ASPRV1: variants seen among roughly 807,000 people sequenced by gnomAD.
ASPRV1 encodes retroviral-like aspartic protease 1.
A neutral mutation model predicts 11.0 loss-of-function variants in ASPRV1; 7 were observed. The ratio of observed to expected loss-of-function variants is 0.64; its 90% CI spans 0.36 to 1.20. ASPRV1 has a LOEUF of 1.20. Ranked by LOEUF, ASPRV1 falls within the 50% of genes most tolerant of loss-of-function variation. The pLI is 0.02. For synonymous variants in ASPRV1, 136 were observed against 138.4 expected, an observed-to-expected ratio of 0.98 and a Z score of 0.12; for missense variants, 299 against 320.0, an observed-to-expected ratio of 0.93 and a Z score of 0.50.
At chr2:70,022,181 AT>A in the ASPRV1 span, among the ~76,000 whole-genome samples, 11 of 148,380 alleles carry the variant, frequency 7.4e-5, no homozygotes, top group South Asian at 2.1e-3. Flanking sequence ...TGCCCGGCTA[AT>A]TTTTTTGTAT....
downstream of ASPRV1, among the ~76,000 whole-genome samples, chr2:69,955,256 C>T (rs1278636007): frequency 1.3e-5 from 2 of 152,200 alleles, no homozygotes; most frequent in Non-Finnish European, 2.9e-5. Flanking sequence ...GCCCTTCCCT[C>T]GCATGGCCAC....
At chr2:70,065,693 C>T in the ASPRV1 span, among the ~76,000 whole-genome samples, 6 of 150,984 alleles carry the variant, frequency 4.0e-5, no homozygotes, top group African/African-American at 7.3e-5. Context: ...GGTGTGGTGG[C>T]GCATGCCTTT....
chr2:70,021,596 G>A, the ASPRV1 span, among the ~76,000 whole-genome samples: 3 of 151,996 alleles, frequency 2.0e-5, no homozygotes, highest in Admixed American at 6.6e-5. Context: ...GGGATTACAG[G>A]TGTGAGCCAC....
chr2:70,001,531 G>C, the ASPRV1 span, among the ~76,000 whole-genome samples: 1 of 152,006 alleles, frequency 6.6e-6, no homozygotes, highest in Non-Finnish European at 1.5e-5. Context: ...GCCGAGGCAG[G>C]TGGGTCATCT....
At chr2:69,990,052 C>T in the ASPRV1 span, among the ~76,000 whole-genome samples, 1 of 152,228 alleles carries the variant, frequency 6.6e-6, no homozygotes, top group Non-Finnish European at 1.5e-5. Context: ...CCATGATCCT[C>T]ATTTTTAATG....
the ASPRV1 span, among the ~76,000 whole-genome samples, chr2:70,068,488 G>T: frequency 7.9e-5 from 12 of 152,284 alleles, no homozygotes; most frequent in African/African-American, 2.4e-4. Context: ...GTTTCTAGGG[G>T]TATCTAGAGG....
At chr2:69,989,593 G>A in the ASPRV1 span, among the ~76,000 whole-genome samples, 11 of 152,352 alleles carry the variant, frequency 7.2e-5, no homozygotes, top group East Asian at 9.7e-4. Flanking sequence ...CATTTGGGGC[G>A]TGGAGGGGGC....
the ASPRV1 span, chr2:70,055,668 T>C: frequency 6.6e-6 from 1 of 152,028 alleles, no homozygotes; most frequent in Non-Finnish European, 1.5e-5. Flanking sequence ...GATAGGTCAA[T>C]AGGTGCAGCA....
the ASPRV1 span, among the ~76,000 whole-genome samples, chr2:69,994,629 C>T: frequency 1.3e-5 from 2 of 152,160 alleles, no homozygotes; most frequent in Non-Finnish European, 2.9e-5. Context: ...ATGTTGCTCA[C>T]CTGGTGGGTT....
upstream of ASPRV1, chr2:69,963,286 T>C (rs1242460754): frequency 2.2e-6 from 1 of 456,044 alleles, no homozygotes; most frequent in Non-Finnish European, 4.4e-6. Flanking sequence ...CGAGAAGGTG[T>C]TGAGAGCAGG....
At chr2:70,041,718 T>C in the ASPRV1 span, among the ~76,000 whole-genome samples, 1 of 152,120 alleles carries the variant, frequency 6.6e-6, no homozygotes, top group Non-Finnish European at 1.5e-5. Context: ...AGGTCCAATC[T>C]AGGGAAGAGA....
At chr2:70,082,113 T>C in the ASPRV1 span, among the ~76,000 whole-genome samples, 1 of 152,018 alleles carries the variant, frequency 6.6e-6, no homozygotes, top group Non-Finnish European at 1.5e-5. Flanking sequence ...TAGCTGGGAT[T>C]ACAGGCACGC....
chr2:70,062,013 C>T, the ASPRV1 span, among the ~76,000 whole-genome samples: 1 of 145,924 alleles, frequency 6.9e-6, no homozygotes, highest in African/African-American at 2.5e-5. Flanking sequence ...TTTGGCTGAG[C>T]ACGGTGGCTC....
the ASPRV1 span, chr2:70,045,441 A>G: frequency 6.6e-6 from 1 of 152,194 alleles, no homozygotes; most frequent in African/African-American, 2.4e-5. Context: ...TTATCCATCT[A>G]AATTATCATG....
At chr2:70,028,864 C>T in the ASPRV1 span, among the ~76,000 whole-genome samples, 1 of 152,068 alleles carries the variant, frequency 6.6e-6, no homozygotes, top group African/African-American at 2.4e-5. Context: ...ATCATTTGAA[C>T]CCAGGAGGCG....
At chr2:70,016,739 G>A in the ASPRV1 span, among the ~76,000 whole-genome samples, 1 of 152,016 alleles carries the variant, frequency 6.6e-6, no homozygotes, top group Non-Finnish European at 1.5e-5. Flanking sequence ...AGCTACTCAG[G>A]AGGCTGAGGC....
chr2:69,938,321 C>T, the ASPRV1 span: 5 of 1,605,820 alleles, frequency 3.1e-6, no homozygotes, highest in East Asian at 8.9e-5. Context: ...TGAAGGTTCT[C>T]CCTGTTGGTT....
At chr2:69,969,265 C>T in the ASPRV1 span, among the ~76,000 whole-genome samples, 3 of 152,220 alleles carry the variant, frequency 2.0e-5, no homozygotes, top group Admixed American at 6.5e-5. Flanking sequence ...TGGCATGGTC[C>T]GAGGCAGCCC....
At chr2:70,054,938 CATAT>C in the ASPRV1 span, among the ~76,000 whole-genome samples, 2 of 152,084 alleles carry the variant, frequency 1.3e-5, no homozygotes, top group Admixed American at 6.6e-5. Context: ...TACATACATA[CATAT>C]ATATACGTAC....
Sources: gnomAD v4.1 joint callset for allele counts (sites outside exome capture counted in the v4.1 genomes callset) on GRCh38, gnomAD v4.1.1 for gene constraint, MANE v1.5 for transcripts, NCBI Gene and HGNC (gene_info 2026-07-23, HGNC 2026-07-21) for gene names.